Variants in TMEM177 observed in about 807,000 individuals in gnomAD.
TMEM177 encodes transmembrane protein 177.
A neutral mutation model predicts 14.2 loss-of-function variants in TMEM177; 4 were observed. That is an observed-to-expected ratio of 0.28 (90% confidence interval 0.14 to 0.64). TMEM177 has a LOEUF of 0.64. Ranked by LOEUF, TMEM177 falls within the 30% of genes least tolerant of loss-of-function variation. The pLI, the probability that TMEM177 is intolerant of heterozygous loss-of-function variation, is 0.82. For synonymous variants in TMEM177, 179 were observed against 174.5 expected, an observed-to-expected ratio of 1.03 and a Z score of -0.20; for missense variants, 344 against 405.2, an observed-to-expected ratio of 0.85 and a Z score of 1.30.
chr2:119,721,657 G>T, the TMEM177 span, among the ~76,000 whole-genome samples: 5 of 152,134 alleles, frequency 3.3e-5, no homozygotes, highest in African/African-American at 1.2e-4. Context: ...CTCCACTAAC[G>T]CCGGGTATTT....
At chr2:119,683,025 A>G (rs1688942081), downstream of TMEM177, among the ~76,000 whole-genome samples, 2 of 152,168 alleles carry the variant, frequency 1.3e-5, no homozygotes, top group South Asian at 2.1e-4. Context: ...GCCAGACCCA[A>G]TTTGGCTTCA....
At chr2:119,700,374 C>T in the TMEM177 span, among the ~76,000 whole-genome samples, 1 of 152,058 alleles carries the variant, frequency 6.6e-6, no homozygotes, top group Non-Finnish European at 1.5e-5. Flanking sequence ...CTGAGAGTTC[C>T]CGTGGCATTG....
Position 119,681,456 on chromosome 2 carries a change from G to C in TMEM177, c.603G>C (p.Arg201=), listed in dbSNP as rs372997143. 1.2e-6 allele frequency: 2 copies of C among 1,613,412 alleles called. No homozygotes were observed. The highest frequency in any genetic ancestry group is 8.5e-7 in the Non-Finnish European group (1 of 1,180,046). The change falls in exon 2 of 2, where the codon CGG becomes CGC. Residue 201 remains arginine, a synonymous_variant. Transcript: ENST00000272521. The stretch of plus-strand genomic sequence containing the variant: ...TCCATGCAGGCCCCATGAATTTACG[G>C]GCTGCCTTCAGCTTGGTGGCAGCAG... ...LGLHAGPMNL[R]AAFSLVAAVA... is the part of the protein sequence containing the mutation.
chr2:119,694,052 C>A, the TMEM177 span, among the ~76,000 whole-genome samples: 286 of 37,148 alleles, frequency 7.7e-3, no homozygotes, highest in Admixed American at 0.02. Context: ...ACACACATCA[C>A]GCACATGCAA....
downstream of TMEM177, among the ~76,000 whole-genome samples, chr2:119,690,807 GCA>G (rs1369442007): frequency 6.6e-6 from 1 of 152,206 alleles, no homozygotes; most frequent in Non-Finnish European, 1.5e-5. Context: ...TTACCCATCC[GCA>G]TCAGGTGGAC....
At chr2:119,710,136 T>A in the TMEM177 span, among the ~76,000 whole-genome samples, 1 of 152,176 alleles carries the variant, frequency 6.6e-6, no homozygotes, top group Non-Finnish European at 1.5e-5. Flanking sequence ...GTGATTAATT[T>A]TATTTGATGT....
At chr2:119,690,986 C>T (rs1689085904), downstream of TMEM177, among the ~76,000 whole-genome samples, 1 of 152,226 alleles carries the variant, frequency 6.6e-6, no homozygotes, top group African/African-American at 2.4e-5. Context: ...CAGGGTTAAG[C>T]ACAGCAGATT....
the TMEM177 span, among the ~76,000 whole-genome samples, chr2:119,692,401 G>A: frequency 2.0e-5 from 3 of 152,236 alleles, no homozygotes; most frequent in Non-Finnish European, 4.4e-5. Context: ...CCAGTGTGAA[G>A]GCCTGTGGCC....
At chr2:119,708,229 A>G in the TMEM177 span, among the ~76,000 whole-genome samples, 2 of 152,286 alleles carry the variant, frequency 1.3e-5, no homozygotes, top group South Asian at 4.1e-4. Context: ...TACAAACCAT[A>G]CAAGAAATAC....
At chr2:119,680,651 G>A (rs1454743171) in intron 1 of TMEM177, among the ~76,000 whole-genome samples, 181 bp from the exon 2 acceptor site, 1 of 152,212 alleles carries the variant, frequency 6.6e-6, no homozygotes, top group Non-Finnish European at 1.5e-5. Flanking sequence ...TTGGCACATG[G>A]GGAAATTGAC....
At chr2:119,695,714 A>G in the TMEM177 span, among the ~76,000 whole-genome samples, 2 of 152,164 alleles carry the variant, frequency 1.3e-5, no homozygotes, top group Admixed American at 6.5e-5. Context: ...GTTTGTAAAC[A>G]CTCTCATATA....
At chr2:119,682,705 G>A (rs1281216457), downstream of TMEM177, among the ~76,000 whole-genome samples, 2 of 152,190 alleles carry the variant, frequency 1.3e-5, no homozygotes, top group Non-Finnish European at 2.9e-5. Context: ...GTAAGACCGA[G>A]GCCCTGCAGG....
At chr2:119,707,861 G>T in the TMEM177 span, among the ~76,000 whole-genome samples, 1 of 152,216 alleles carries the variant, frequency 6.6e-6, no homozygotes, top group Non-Finnish European at 1.5e-5. Flanking sequence ...CCAACGGGGA[G>T]CACTAGCAGG....
the TMEM177 span, among the ~76,000 whole-genome samples, chr2:119,720,823 A>G: frequency 6.6e-6 from 1 of 152,210 alleles, no homozygotes; most frequent in Admixed American, 6.5e-5. Context: ...TAGTCAATGT[A>G]AGATCAATTA....
chr2:119,712,193 A>G, the TMEM177 span, among the ~76,000 whole-genome samples: 2 of 151,588 alleles, frequency 1.3e-5, no homozygotes, highest in Non-Finnish European at 1.5e-5. Flanking sequence ...ATCTATAAAA[A>G]TGGAGATAGC....
chr2:119,688,379 G>A (rs1310294459), downstream of TMEM177, among the ~76,000 whole-genome samples: 2 of 152,150 alleles, frequency 1.3e-5, no homozygotes, highest in East Asian at 3.9e-4. Context: ...GATATGTTCT[G>A]AGAAATGCCT....
the TMEM177 span, among the ~76,000 whole-genome samples, chr2:119,692,452 A>G: frequency 6.6e-6 from 1 of 152,222 alleles, no homozygotes; most frequent in Non-Finnish European, 1.5e-5. Flanking sequence ...CCATGTCCCC[A>G]GGCGAACAGC....
At chr2:119,683,079 T>G (rs1366234936), downstream of TMEM177, among the ~76,000 whole-genome samples, 2 of 152,194 alleles carry the variant, frequency 1.3e-5, no homozygotes, top group African/African-American at 4.8e-5. Flanking sequence ...GGGAAAGTAT[T>G]TGAACACAGT....
the TMEM177 span, among the ~76,000 whole-genome samples, chr2:119,706,371 G>A: frequency 1.3e-5 from 2 of 152,124 alleles, no homozygotes; most frequent in African/African-American, 4.8e-5. Context: ...GGAAATGGAA[G>A]GGGTGGCCTC....
Sources: gnomAD v4.1 joint callset for allele counts (sites outside exome capture counted in the v4.1 genomes callset) on GRCh38, gnomAD v4.1.1 for gene constraint, MANE v1.5 for transcripts, NCBI Gene and HGNC (gene_info 2026-07-23, HGNC 2026-07-21) for gene names.